The following PPM1A variants were observed in gnomAD, a reference collection of about 807,000 sequenced individuals.
The protein encoded by PPM1A is protein phosphatase 1A.
A neutral mutation model predicts 35.0 loss-of-function variants in PPM1A; 7 were observed. The observed-to-expected ratio is 0.20, with a 90% confidence interval of 0.11 to 0.38. The LOEUF (loss-of-function observed/expected upper bound fraction) is 0.38, where lower values mean the gene tolerates loss of function less well. Among genes scored for constraint, PPM1A ranks in the 10% least tolerant of loss-of-function variants. PPM1A has a pLI of 1.00. For synonymous variants in PPM1A, 153 were observed against 167.3 expected (o/e 0.91, Z 0.66); for missense variants, 239 against 467.8 (o/e 0.51, Z 4.51).
rs1757230050 is a variant in PPM1A at position 60,298,213 on chromosome 14, G to A, written c.*5731G>A. On this transcript the variant is annotated 3_prime_UTR_variant, in exon 6 of 6. Transcript: ENST00000395076. ...GGTAAAACAGAAATGGAATGTATCT[G>A]GAACATTTTTGGCCTCCATAGTGCA... 1 of 151,558 alleles carries A rather than the reference G, an allele frequency of 6.6e-6. No individual in the cohort carries two copies. Among genetic ancestry groups the A allele is most frequent in the South Asian group, 2.1e-4 (1 of 4,816 alleles). The allele number at this position is 151,558 out of a possible 1,614,324, so 9.4% of individuals were successfully genotyped here. A position where few individuals can be genotyped will look rare whatever the true frequency, so the allele number is the denominator to read the frequency against.
chr14:60,271,594 T>C (rs1295536043), intron 1 of PPM1A, among the ~76,000 whole-genome samples: 1 of 152,200 alleles, frequency 6.6e-6, no homozygotes, highest in Non-Finnish European at 1.5e-5. Flanking sequence ...TCAATAAGGA[T>C]TGCTAGGGAC....
At chr14:60,264,634 G>A (rs934490304) in intron 1 of PPM1A, among the ~76,000 whole-genome samples, 1 of 151,818 alleles carries the variant, frequency 6.6e-6, no homozygotes, top group African/African-American at 2.4e-5. Context: ...ATCTTTCTTT[G>A]TTTCTAGAAA....
intron 1 of PPM1A, among the ~76,000 whole-genome samples, chr14:60,254,623 TTA>T (rs1369296538): frequency 1.3e-5 from 2 of 152,188 alleles, no homozygotes; most frequent in Admixed American, 6.5e-5. Flanking sequence ...CGTTAAGGCT[TTA>T]TATGTGAGTT....
rs1373900212 is a variant in PPM1A, at chr14:60,295,584, C to T, written c.*3102C>T. 1.3e-5 allele frequency: 2 copies of T among 151,530 alleles called. No individual in the cohort carries two copies. The highest frequency in any genetic ancestry group is 6.6e-5 in the Admixed American group (1 of 15,192). The allele number at this position is 151,530 out of a possible 1,614,324, so 9.4% of individuals were successfully genotyped here. ...GATCATTCATAGGACTATATATTAACCCAGCTAATAACTCAGTTTTTTTAC... is the reference window on the plus strand; with the variant it reads ...GATCATTCATAGGACTATATATTAATCCAGCTAATAACTCAGTTTTTTTAC... On this transcript the variant is annotated 3_prime_UTR_variant, in exon 6 of 6. Transcript: ENST00000395076.
chr14:60,280,006 A>G (rs987311777), intron 1 of PPM1A, among the ~76,000 whole-genome samples: 1 of 152,036 alleles, frequency 6.6e-6, no homozygotes, highest in African/African-American at 2.4e-5. Flanking sequence ...GCCTTCTTAT[A>G]TACTTTTTTT....
intron 1 of PPM1A, among the ~76,000 whole-genome samples, chr14:60,272,600 T>G (rs961778094): frequency 3.3e-5 from 5 of 150,780 alleles, no homozygotes; most frequent in African/African-American, 1.2e-4. Context: ...TCCCAGGTAC[T>G]TGGGAGGCTG....
chr14:60,297,818 T>C lies in PPM1A; in HGVS notation c.*5336T>C, dbSNP rs1888168727. 1 of 151,658 alleles carries C rather than the reference T, an allele frequency of 6.6e-6. No homozygotes were observed. Among genetic ancestry groups the C allele is most frequent in the African/African-American group, 2.4e-5 (1 of 41,394 alleles). The allele number at this position is 151,658 out of a possible 1,614,324, so 9.4% of individuals were successfully genotyped here. A position where few individuals can be genotyped will look rare whatever the true frequency, so the allele number is the denominator to read the frequency against. ...TTTGAGACTGATGAATCCTAGGGAC[T>C]TATTTACCCAGGAAAATGCGTATAT... is the stretch of plus-strand genomic sequence containing the variant. On this transcript the variant is annotated 3_prime_UTR_variant, in exon 6 of 6. Transcript: ENST00000395076.
intron 1 of PPM1A, among the ~76,000 whole-genome samples, chr14:60,266,307 A>G (rs1438227727): frequency 6.6e-6 from 1 of 152,134 alleles, no homozygotes; most frequent in Admixed American, 6.5e-5. Context: ...TATATTGCAG[A>G]TGCTTAAAAG....
At chr14:60,279,397 G>A (rs1310953064) in intron 1 of PPM1A, among the ~76,000 whole-genome samples, 5 of 152,174 alleles carry the variant, frequency 3.3e-5, no homozygotes, top group Admixed American at 2.6e-4. Context: ...GATTACAGGC[G>A]TGAGCCACTG....
intron 1 of PPM1A, among the ~76,000 whole-genome samples, chr14:60,258,659 A>G (rs1395645225): frequency 6.6e-6 from 1 of 151,782 alleles, no homozygotes; most frequent in Non-Finnish European, 1.5e-5. Context: ...AAAGACAACC[A>G]TGTATTCTAT....
At chr14:60,248,965 G>C (rs114589245), upstream of PPM1A, among the ~76,000 whole-genome samples, 949 of 152,294 alleles carry the variant, frequency 6.2e-3, 9 homozygotes, top group African/African-American at 0.022. Context: ...CTTCGGCCTG[G>C]TGCTCCAGGC....
chr14:60,289,763 A>T lies in PPM1A; in HGVS notation c.953-43A>T. On this transcript the variant is annotated intron_variant, in intron 3 of 5. Coordinates refer to ENST00000395076, the MANE Select transcript of PPM1A (RefSeq NM_021003.5). This position sits in a 1 kb window ranked among gnomAD's most constrained non-coding sequence, Gnocchi z 4.1. Reference sequence around the variant, plus strand: ...CTTTGTTTCGGTTTTCTTTTCAATTAAATTTGGATAACACTTACAAAAAAA... The same window carrying T: ...CTTTGTTTCGGTTTTCTTTTCAATTTAATTTGGATAACACTTACAAAAAAA... 2.3e-6 allele frequency: 3 copies of T among 1,312,542 alleles called. No individual in the cohort carries two copies. Among genetic ancestry groups the T allele is most frequent in the Non-Finnish European group, 2.2e-6 (2 of 921,268 alleles). The allele number at this position is 1,312,542 out of a possible 1,614,324, so 81.3% of individuals were successfully genotyped here.
Position 60,295,256 on chromosome 14 carries a change from T to TC in PPM1A, c.*2775dup, listed in dbSNP as rs1887969545. On this transcript the variant is annotated 3_prime_UTR_variant, in exon 6 of 6. Transcript: ENST00000395076. ...AACATTAAAAAATTTCACTGATCTT[T>TC]CTTTCATTAACAGGGTAGAATCTCC... is the stretch of plus-strand genomic sequence containing the variant. The TC allele has an allele frequency of 6.6e-6, 1 of 151,812 alleles. No homozygotes were observed. Among genetic ancestry groups the TC allele is most frequent in the Non-Finnish European group, 1.5e-5 (1 of 67,776 alleles). 9.4% of individuals were successfully genotyped at this position (151,812 alleles called of 1,614,324 possible).
At chr14:60,250,149 G>T (rs1595248833) in intron 1 of PPM1A, among the ~76,000 whole-genome samples, 3 of 152,076 alleles carry the variant, frequency 2.0e-5, no homozygotes, top group African/African-American at 4.8e-5. Flanking sequence ...ACCGGGCTTA[G>T]CCTCGAAAAA....
At chr14:60,247,678 C>A (rs1453367897), upstream of PPM1A, among the ~76,000 whole-genome samples, 1 of 149,074 alleles carries the variant, frequency 6.7e-6, no homozygotes, top group African/African-American at 2.5e-5. Context: ...GAACCTTCCC[C>A]AAAGTCATGT....
At chr14:60,256,185 C>A (rs1883115839) in intron 1 of PPM1A, among the ~76,000 whole-genome samples, 1 of 152,184 alleles carries the variant, frequency 6.6e-6, no homozygotes. Context: ...CTTTGGGAGG[C>A]TGAGGCAGGT....
At chr14:60,250,475 A>G in intron 1 of PPM1A, 1 of 967,624 alleles carries the variant, frequency 1.0e-6, no homozygotes, top group Non-Finnish European at 1.2e-6. Flanking sequence ...AAATTTCATC[A>G]CCTGAGGTAT....
intron 1 of PPM1A, among the ~76,000 whole-genome samples, chr14:60,269,389 C>T (rs1433568091): frequency 2.6e-5 from 4 of 152,186 alleles, no homozygotes; most frequent in African/African-American, 7.2e-5. Context: ...CTTCTTATTG[C>T]GTTTACATAT....
intron 1 of PPM1A, among the ~76,000 whole-genome samples, chr14:60,255,638 G>A (rs1883031312): frequency 6.6e-6 from 1 of 152,210 alleles, no homozygotes; most frequent in Non-Finnish European, 1.5e-5. Context: ...AATCTACCTG[G>A]AGTGAAAGTG....
Sources: gnomAD v4.1 joint callset for allele counts (sites outside exome capture counted in the v4.1 genomes callset) on GRCh38, gnomAD v4.1.1 for gene constraint, Gnocchi (gnomAD v3.1) non-coding constraint, MANE v1.5 for transcripts, NCBI Gene and HGNC (gene_info 2026-07-23, HGNC 2026-07-21) for gene names.